Variants in KLHL13 observed in about 807,000 individuals in gnomAD.
KLHL13 encodes the protein kelch-like protein 13.
A neutral mutation model predicts 37.1 loss-of-function variants in KLHL13; 10 were observed. The observed-to-expected ratio is 0.27, with a 90% confidence interval of 0.17 to 0.46. The LOEUF (loss-of-function observed/expected upper bound fraction) is 0.46, where lower values mean the gene tolerates loss of function less well. KLHL13 is among the 20% of genes least tolerant of loss of function. The probability of loss-of-function intolerance (pLI) is 1.00; values close to 1 mark genes in which losing one functional copy is unlikely to be tolerated. For synonymous variants in KLHL13, 163 were observed against 181.2 expected (o/e 0.90, Z 0.81); for missense variants, 360 against 509.3 (o/e 0.71, Z 2.82).
At chrX:118,016,080 T>C (rs953520486) in intron 1 of KLHL13, among the ~76,000 whole-genome samples, 1 of 112,324 alleles carries the variant, frequency 8.9e-6, no homozygotes, top group Non-Finnish European at 1.9e-5. Context: ...ATTTGTTTTA[T>C]ATGAAGTTAA....
chrX:117,974,201 T>G (rs766779638), upstream of KLHL13, among the ~76,000 whole-genome samples: 7 of 111,913 alleles, frequency 6.3e-5, no homozygotes, highest in East Asian at 2.0e-3. Flanking sequence ...CTGAACTGTT[T>G]ATTTACAGGC....
At chrX:118,091,297 T>A (rs1461431031) in intron 1 of KLHL13, among the ~76,000 whole-genome samples, 1 of 111,490 alleles carries the variant, frequency 9.0e-6, no homozygotes, top group African/African-American at 3.3e-5. Context: ...TATCAATAGA[T>A]GTTGACAGCA....
intron 1 of KLHL13, among the ~76,000 whole-genome samples, chrX:118,071,206 G>A (rs1382890171): frequency 7.2e-5 from 8 of 111,268 alleles, no homozygotes; most frequent in South Asian, 3.8e-4. Context: ...GAATAATGCC[G>A]CAATAAACAT....
At chrX:118,012,803 T>C (rs2054085635) in intron 1 of KLHL13, among the ~76,000 whole-genome samples, 1 of 111,519 alleles carries the variant, frequency 9.0e-6, no homozygotes, top group Non-Finnish European at 1.9e-5. Context: ...ATCATTAAAT[T>C]AACACCAGTG....
intron 1 of KLHL13, among the ~76,000 whole-genome samples, chrX:118,113,448 G>A (rs753122397): frequency 8.9e-6 from 1 of 112,200 alleles, no homozygotes; most frequent in South Asian, 3.7e-4. Context: ...ATCGGTTATT[G>A]AGCTGCTTCT....
rs6645450 is a variant in KLHL13 at position 118,108,205 on chromosome X, G to C, written c.-56+8303C>G. 6.9e-3 allele frequency among the ~76,000 whole-genome samples: 772 copies of C among 111,859 alleles called. 8 individuals carry two copies. Among genetic ancestry groups the C allele is most frequent in the African/African-American group, 0.022 (666 of 30,746 alleles). On this transcript the variant is annotated intron_variant, in intron 1 of 6. Coordinates refer to the KLHL13 transcript ENST00000371882. ...AACTCTTATCTCCTTTTACTGAATA[G>C]ACTGTAAAAGCACTTCACCTGTAGA...
chrX:118,083,357 T>A (rs2055018194), intron 1 of KLHL13, among the ~76,000 whole-genome samples: 1 of 111,901 alleles, frequency 8.9e-6, no homozygotes, highest in African/African-American at 3.2e-5. Context: ...GATAAATTAA[T>A]TTTTAATGTT....
In KLHL13 at chrX:118,028,182, C is replaced by T. The variant is rs183295529; in HGVS notation, c.-55-82607G>A. On this transcript the variant is annotated intron_variant, in intron 1 of 6. Transcript: ENST00000371882. ...ATCTCCACTGATTGTATTCCAGGTG[C>T]TCATAATTTATACCAATTACATTTT... Among the ~76,000 whole-genome samples, 272 of 111,593 alleles carry T rather than the reference C, an allele frequency of 2.4e-3. 2 individuals carry two copies. Among genetic ancestry groups the T allele is most frequent in the Non-Finnish European group, 3.6e-3 (193 of 53,117 alleles).
exon 1 of KLHL13, chrX:118,116,769 C>G (rs1262422971): frequency 9.3e-6 from 1 of 107,373 alleles, no homozygotes; most frequent in Non-Finnish European, 1.9e-5. Flanking sequence ...TGAGCTACTG[C>G]GGCCGCAGCG....
At chrX:117,943,139 T>G (rs1602578026) in intron 2 of KLHL13, among the ~76,000 whole-genome samples, 2 of 111,783 alleles carry the variant, frequency 1.8e-5, no homozygotes, top group African/African-American at 6.5e-5. Flanking sequence ...TGCTTAAGAA[T>G]GTTGAATATT....
At chrX:117,966,961 A>G (rs985577663) in intron 1 of KLHL13, among the ~76,000 whole-genome samples, 2 of 111,900 alleles carry the variant, frequency 1.8e-5, no homozygotes, top group Non-Finnish European at 3.8e-5. Context: ...AAATCCCTTG[A>G]AGAAAACCTA....
At chrX:118,055,981 A>G (rs755898111) in intron 1 of KLHL13, among the ~76,000 whole-genome samples, 16 of 111,344 alleles carry the variant, frequency 1.4e-4, no homozygotes, top group African/African-American at 4.6e-4. Flanking sequence ...TTTTTAAAAG[A>G]AAAAAAGGCA....
At chrX:118,078,199 A>G (rs747734771) in intron 1 of KLHL13, among the ~76,000 whole-genome samples, 15 of 111,980 alleles carry the variant, frequency 1.3e-4, no homozygotes, top group African/African-American at 4.2e-4. Context: ...CATAATCACA[A>G]ATGGTGGTCC....
In KLHL13 at chrX:118,002,247, G is replaced by T. The variant is rs976771656; in HGVS notation, c.-55-56672C>A. Among the ~76,000 whole-genome samples, 7 of 111,234 alleles carry T rather than the reference G, an allele frequency of 6.3e-5. No homozygotes were observed. In the South Asian group the frequency reaches 1.5e-3, roughly 24 times the overall value. The stretch of plus-strand genomic sequence containing the variant: ...ACTTCATGGTTTGGTCAGGAGAGAT[G>T]ATTTAAAAATTGTTATACAAAGTGC... On this transcript the variant is annotated intron_variant, in intron 1 of 6. Coordinates refer to the KLHL13 transcript ENST00000371882.
intron 1 of KLHL13, among the ~76,000 whole-genome samples, chrX:118,012,558 C>T (rs753861175): frequency 1.3e-4 from 14 of 108,719 alleles, no homozygotes; most frequent in Non-Finnish European, 2.3e-4. Flanking sequence ...CCTGCCTGAA[C>T]GGTCCAGGAT....
At chrX:118,093,588 C>T (rs1380584779) in intron 1 of KLHL13, among the ~76,000 whole-genome samples, 1 of 111,842 alleles carries the variant, frequency 8.9e-6, no homozygotes, top group African/African-American at 3.2e-5. Context: ...ACATGCTACT[C>T]TGTAAATTAT....
intron 1 of KLHL13, among the ~76,000 whole-genome samples, chrX:118,049,547 C>A (rs1045783333): frequency 2.7e-5 from 3 of 110,293 alleles, no homozygotes; most frequent in Non-Finnish European, 3.8e-5. Context: ...AGGTCTTATC[C>A]TAAAATACCT....
At chrX:118,033,810 G>A (rs776872568) in intron 1 of KLHL13, among the ~76,000 whole-genome samples, 20 of 109,856 alleles carry the variant, frequency 1.8e-4, no homozygotes, top group African/African-American at 6.7e-4. Context: ...TGGATAAAGA[G>A]TCAAGACCCA....
chrX:117,987,950 G>C (rs1569434201), intron 1 of KLHL13, among the ~76,000 whole-genome samples: 3 of 111,797 alleles, frequency 2.7e-5, no homozygotes, highest in Admixed American at 1.9e-4. Context: ...AAAACAGGCA[G>C]TACTTGGGGG....
Sources: allele counts gnomAD v4.1 joint callset (sites outside exome capture counted in the v4.1 genomes callset), GRCh38; gene constraint gnomAD v4.1.1; transcripts MANE v1.5; gene names NCBI Gene and HGNC (gene_info 2026-07-23, HGNC 2026-07-21).